The following PAQR5 variants were observed in gnomAD, a reference collection of about 807,000 sequenced individuals.
The protein encoded by PAQR5 is progestin and adipoQ receptor family member 5, also known as membrane progestin receptor gamma.
PAQR5 carries 20 observed loss-of-function variants against 34.5 expected under a neutral mutation model. The ratio of observed to expected loss-of-function variants is 0.58; its 90% CI spans 0.41 to 0.84. The LOEUF is 0.84. Among genes scored for constraint, PAQR5 ranks in the 40% least tolerant of loss-of-function variants. The probability of loss-of-function intolerance (pLI) is 0.00; values close to 1 mark genes in which losing one functional copy is unlikely to be tolerated. For missense variants in PAQR5, 378 were observed against 412.7 expected (o/e 0.92, Z 0.73); for synonymous variants, 131 against 155.6 (o/e 0.84, Z 1.18).
At chr15:69,312,750 T>A (rs1247776522) in intron 1 of PAQR5, among the ~76,000 whole-genome samples, 1 of 151,990 alleles carries the variant, frequency 6.6e-6, no homozygotes, top group Non-Finnish European at 1.5e-5. Flanking sequence ...CTTTAAAGCA[T>A]GAAGACTTGA....
At chr15:69,307,164 G>A (rs940233973) in intron 1 of PAQR5, among the ~76,000 whole-genome samples, 2 of 151,622 alleles carry the variant, frequency 1.3e-5, no homozygotes, top group South Asian at 2.1e-4. Flanking sequence ...GCACGATCTC[G>A]GCTTGTTGCA....
intron 1 of PAQR5, among the ~76,000 whole-genome samples, chr15:69,299,916 C>CT (rs2053491188): frequency 2.2e-5 from 1 of 45,772 alleles, no homozygotes; most frequent in Non-Finnish European, 9.8e-5. Flanking sequence ...AGGGACACAT[C>CT]CCTGATTTCA....
chr15:69,406,083 G>C lies in PAQR5; in HGVS notation c.*2261G>C, dbSNP rs1489566226. 3.3e-5 allele frequency: 5 copies of C among 152,150 alleles called. No homozygotes were observed. The highest frequency in any genetic ancestry group is 6.5e-5 in the Admixed American group (1 of 15,280). The allele number at this position is 152,150 out of a possible 1,614,324, so 9.4% of individuals were successfully genotyped here. On this transcript the variant is annotated 3_prime_UTR_variant, in exon 9 of 9. Transcript: ENST00000395407. ...TCAGAAAGTCTAAAAGGTTGGCAGG[G>C]GGTCAGCTGAAGACCTCACTGGAGT... is the stretch of plus-strand genomic sequence containing the variant.
At chr15:69,390,405 A>T (rs542486058) in intron 6 of PAQR5, among the ~76,000 whole-genome samples, 1 of 148,846 alleles carries the variant, frequency 6.7e-6, no homozygotes, top group African/African-American at 2.5e-5. Flanking sequence ...GCTGGAATGC[A>T]GTGGTGCGAT....
chr15:69,346,368 C>T (rs576905188), intron 2 of PAQR5, among the ~76,000 whole-genome samples: 1 of 114,656 alleles, frequency 8.7e-6, no homozygotes, highest in African/African-American at 3.4e-5. Flanking sequence ...TGCAGTGATA[C>T]AATAATAGCT....
At chr15:69,310,776 T>A (rs28452556) in intron 1 of PAQR5, among the ~76,000 whole-genome samples, 1 of 151,860 alleles carries the variant, frequency 6.6e-6, no homozygotes, top group South Asian at 2.1e-4. Context: ...CGGTGGCTCA[T>A]GCCTGTAATC....
intron 7 of PAQR5, 81 bp downstream of exon 7, chr15:69,397,645 A>G (rs1445680981): frequency 1.1e-6 from 1 of 947,394 alleles, no homozygotes. Context: ...GGGGGGTCAC[A>G]GCACTGCAAT....
Position 69,301,859 on chromosome 15 carries a change from AT to A in PAQR5, c.-277+2840del, listed in dbSNP as rs71149903. Among the ~76,000 whole-genome samples the A allele has an allele frequency of 3.6e-4, 36 of 98,838 alleles. 1 individual carries two copies. Among genetic ancestry groups the A allele is most frequent in the East Asian group, 3.5e-3 (10 of 2,858 alleles). The allele number at this position is 98,838 out of a possible 152,430, so 64.8% of individuals were successfully genotyped here. A position where few individuals can be genotyped will look rare whatever the true frequency, so the allele number is the denominator to read the frequency against. On this transcript the variant is annotated intron_variant, in intron 1 of 8. Coordinates refer to ENST00000395407, the MANE Select transcript of PAQR5 (RefSeq NM_017705.4). ...GTGAATTCATAAGAAATGGGGGGAGATTTTTTTTTTTTTTTTTTTTTTTTTT... is the reference window on the plus strand; with the variant it reads ...GTGAATTCATAAGAAATGGGGGGAGATTTTTTTTTTTTTTTTTTTTTTTTT...
chr15:69,394,364 G>A (rs2140974754), intron 6 of PAQR5, among the ~76,000 whole-genome samples: 1 of 152,138 alleles, frequency 6.6e-6, no homozygotes, highest in East Asian at 1.9e-4. Context: ...AGCCAGTTAG[G>A]GGCATGGGGA....
At chr15:69,328,518 T>C (rs2054304369) in intron 1 of PAQR5, among the ~76,000 whole-genome samples, 2 of 152,140 alleles carry the variant, frequency 1.3e-5, no homozygotes. Flanking sequence ...GGAGGCTGAC[T>C]GTGGGCTGGG....
At position 69,363,536 on chromosome 15, in the gene PAQR5, G is replaced by T. The variant is rs1250975788; in HGVS notation, c.51+3405G>T. On this transcript the variant is annotated intron_variant, in intron 3 of 8. Coordinates refer to ENST00000395407, the MANE Select transcript of PAQR5 (RefSeq NM_017705.4). ...ACATCGAGTGTCAAATTGCTAATCT[G>T]TTTTTTGTTTTTGTTTTTTTTTTTT... 1.6e-4 allele frequency among the ~76,000 whole-genome samples: 13 copies of T among 82,018 alleles called. 1 individual carries two copies. The highest frequency in any genetic ancestry group is 1.3e-3 in the East Asian group (3 of 2,318). 53.8% of individuals were successfully genotyped at this position (82,018 alleles called of 152,430 possible). A position where few individuals can be genotyped will look rare whatever the true frequency, so the allele number is the denominator to read the frequency against.
At chr15:69,316,077 G>GT (rs2053939886) in intron 1 of PAQR5, among the ~76,000 whole-genome samples, 2 of 152,092 alleles carry the variant, frequency 1.3e-5, no homozygotes, top group Admixed American at 6.6e-5. Context: ...TATTCATAGG[G>GT]TTTTTTATTT....
At chr15:69,302,914 C>T (rs2053636650) in intron 1 of PAQR5, among the ~76,000 whole-genome samples, 1 of 152,204 alleles carries the variant, frequency 6.6e-6, no homozygotes, top group Non-Finnish European at 1.5e-5. Context: ...TGGACTAATC[C>T]TTAGCAGCCA....
At chr15:69,300,589 CCTTCTTTCTTTCTTTCTTTCT>C (rs2053516663) in intron 1 of PAQR5, among the ~76,000 whole-genome samples, 1 of 63,794 alleles carries the variant, frequency 1.6e-5, no homozygotes, top group South Asian at 5.7e-4. Context: ...TTCTTTCTTT[CCTTCTTTCTTTCTTTCTTTCT>C]TTCTTTCTTT....
At chr15:69,392,132 G>T (rs59606719) in intron 6 of PAQR5, 2 of 71,156 alleles carry the variant, frequency 2.8e-5, no homozygotes, top group African/African-American at 5.0e-5. Context: ...ACACTTGCTG[G>T]TTTTATTTTA....
chr15:69,317,669 A>C (rs1265336747), intron 1 of PAQR5, among the ~76,000 whole-genome samples: 1 of 152,134 alleles, frequency 6.6e-6, no homozygotes, highest in Non-Finnish European at 1.5e-5. Context: ...GCTTCCCACA[A>C]ATGCAAATCA....
chr15:69,349,931 G>A (rs1013794446), intron 2 of PAQR5, among the ~76,000 whole-genome samples: 5 of 151,812 alleles, frequency 3.3e-5, no homozygotes, highest in African/African-American at 7.3e-5. Flanking sequence ...CGTGAGCCAC[G>A]GTGCCCAGCC....
chr15:69,372,049 T>C (rs1451481761), intron 3 of PAQR5, among the ~76,000 whole-genome samples: 3 of 152,186 alleles, frequency 2.0e-5, no homozygotes, highest in African/African-American at 7.2e-5. Flanking sequence ...GATGTCCCAT[T>C]TGAGAGAAGA....
chr15:69,387,793 G>T (rs1027574146), intron 5 of PAQR5, among the ~76,000 whole-genome samples: 1 of 152,062 alleles, frequency 6.6e-6, no homozygotes, highest in Non-Finnish European at 1.5e-5. Flanking sequence ...TCCCTTCTCT[G>T]TATCCTCCCA....
Sources: gnomAD v4.1 joint callset for allele counts (sites outside exome capture counted in the v4.1 genomes callset) on GRCh38, gnomAD v4.1.1 for gene constraint, MANE v1.5 for transcripts, NCBI Gene and HGNC (gene_info 2026-07-23, HGNC 2026-07-21) for gene names.